EXOSC10: variants seen among roughly 807,000 people sequenced by gnomAD.
EXOSC10 encodes the protein exosome complex component 10.
In EXOSC10, 94 loss-of-function variants were observed where a neutral mutation model predicts 126.6. The observed-to-expected ratio is 0.74, with a 90% CI of 0.63 to 0.88. The LOEUF (loss-of-function observed/expected upper bound fraction) is 0.88. EXOSC10 is among the 40% of genes least tolerant of loss of function. EXOSC10 has a pLI of 0.00. For missense variants in EXOSC10, 1,041 were observed against 1,100.5 expected (o/e 0.95, Z 0.77); for synonymous variants, 395 against 400.8 (o/e 0.99, Z 0.17).
At chr1:11,090,963 T>C (rs1640769471) in intron 5 of EXOSC10, 51 bp downstream of exon 5, 2 of 1,583,304 alleles carry the variant, frequency 1.3e-6, no homozygotes, top group Non-Finnish European at 1.7e-6. Flanking sequence ...TTCCTGGTTT[T>C]TGCATCAAAT....
Position 11,079,719 on chromosome 1 carries a change from G to C in EXOSC10, c.1741C>G (p.Leu581Val). ...GCAGAAAAGCTTCTTACCTTGAGCA[G>C]GGGCATCTCTCGGGCCTGCTGGATT... ...LLIQQAREMP[L>V]LKSEVAAGVK... The change falls in exon 14 of 25, where the codon CTG becomes GTG. Residue 581 changes from leucine (L) to valine (V), a missense_variant. Physicochemically the swap from Leu to Val is conservative, Grantham distance 32 (BLOSUM62 1). Coordinates refer to ENST00000376936, the MANE Select transcript of EXOSC10 (RefSeq NM_001001998.3). 1 of 1,613,216 alleles carries C rather than the reference G, an allele frequency of 6.2e-7. No homozygotes were observed. Among genetic ancestry groups the C allele is most frequent in the Non-Finnish European group, 8.5e-7 (1 of 1,179,572 alleles).
rs1360541343 is a variant in EXOSC10, at chr1:11,081,163, C to A, written c.1356G>T (p.Arg452Ser). The change falls in exon 11 of 25, where the codon AGG becomes AGT. Residue 452 changes from arginine to serine, a missense_variant. Physicochemically the swap from Arg to Ser is moderately radical, Grantham distance 110 (BLOSUM62 -1). This residue lies in a region of EXOSC10 where 645 missense variants were observed against 656.3 expected (regional missense o/e 0.98). Coordinates refer to ENST00000376936, the MANE Select transcript of EXOSC10 (RefSeq NM_001001998.3). ...CGTTGCCGCGCTCCCACATCTCCAG[C>A]CTCATTTTGTCATAGATATATAGCA... ...HYLLYIYDKM[R>S]LEMWERGNGQ... 1 of 1,614,074 alleles carries A rather than the reference C, an allele frequency of 6.2e-7. No individual in the cohort carries two copies. The highest frequency in any genetic ancestry group is 8.5e-7 in the Non-Finnish European group (1 of 1,180,032).
rs1378857534 is a variant in EXOSC10 at position 11,082,718 on chromosome 1, T to C, written c.1250A>G (p.Lys417Arg). The change falls in exon 10 of 25, where the codon AAG (lysine) becomes AGG (arginine). Residue 417 changes from lysine to arginine, a missense_variant. By Grantham distance (26) the Lys-to-Arg change is conservative. Coordinates refer to ENST00000376936, the MANE Select transcript of EXOSC10 (RefSeq NM_001001998.3). Reference protein sequence around the residue: ...LKLYCNVDSNKQYQLADWRIR... With the variant: ...LKLYCNVDSNRQYQLADWRIR... ...TCTCCAATCAGCCAGCTGATATTGCTTGTTTGAGTCCACGTTGCAGTAGAG... is the reference window on the plus strand; with the variant it reads ...TCTCCAATCAGCCAGCTGATATTGCCTGTTTGAGTCCACGTTGCAGTAGAG... 1.2e-6 allele frequency: 2 copies of C among 1,614,226 alleles called. No homozygotes were observed. Among genetic ancestry groups the C allele is most frequent in the Non-Finnish European group, 1.7e-6 (2 of 1,180,042 alleles).
Position 11,072,278 on chromosome 1 carries a change from A to G in EXOSC10, c.2158-107T>C, listed in dbSNP as rs1570792373. The G allele has an allele frequency of 5.5e-6, 4 of 720,846 alleles. No individual in the cohort carries two copies. The East Asian group carries it at 1.0e-4, about 18-fold the overall frequency. 44.7% of individuals were successfully genotyped at this position (720,846 alleles called of 1,614,324 possible). A position where few individuals can be genotyped will look rare whatever the true frequency, so the allele number is the denominator to read the frequency against. On this transcript the variant is annotated intron_variant, in intron 19 of 24. Transcript: ENST00000376936. ...GGGCAGGTTAACCTAAGAAGTACAC[A>G]CATTCTAAGTCATAAATTTTCAAAT...
chr1:11,080,417 A>AT, intron 13 of EXOSC10, 82 bp downstream of exon 13: 1 of 1,551,542 alleles, frequency 6.4e-7, no homozygotes, highest in Middle Eastern at 1.7e-4. Context: ...GCCTTGGGTA[A>AT]TAGCAACCAG....
chr1:11,095,955 C>A (rs1257680518), intron 2 of EXOSC10, 74 bp from the exon 3 acceptor site: 6 of 1,467,750 alleles, frequency 4.1e-6, no homozygotes, highest in African/African-American at 1.4e-5. Context: ...AGAGAATGTT[C>A]AAATGATGTG....
At position 11,087,854 on chromosome 1, in the gene EXOSC10, G is replaced by C; in HGVS notation, c.891C>G (p.Leu297=). The C allele has an allele frequency of 6.2e-7, 1 of 1,613,868 alleles. No homozygotes were observed. Among genetic ancestry groups the C allele is most frequent in the South Asian group, 1.1e-5 (1 of 91,064 alleles). The stretch of plus-strand genomic sequence containing the variant: ...TCAAGAGCTTTTCGTTGAGTTCCAC[G>C]AGTTCATCCAGGGAGGATATGAAAT... The part of the protein sequence containing the change: ...PCHFISSLDE[L]VELNEKLLNC... The change falls in exon 8 of 25, where the codon CTC becomes CTG. Residue 297 remains leucine, a synonymous_variant. Transcript: ENST00000376936.
chr1:11,090,965 G>C, intron 5 of EXOSC10, 49 bp downstream of exon 5: 2 of 1,578,764 alleles, frequency 1.3e-6, no homozygotes, highest in Non-Finnish European at 1.7e-6. Flanking sequence ...CCTGGTTTTT[G>C]CATCAAATAA....
chr1:11,074,748 G>A (rs1185304397), intron 17 of EXOSC10, among the ~76,000 whole-genome samples: 1 of 152,042 alleles, frequency 6.6e-6, no homozygotes, highest in Non-Finnish European at 1.5e-5. Context: ...AATGGCTAAG[G>A]CTAATTTTTC....
chr1:11,072,258 G>C, intron 19 of EXOSC10, 87 bp from the exon 20 acceptor site: 1 of 915,016 alleles, frequency 1.1e-6, no homozygotes, highest in Non-Finnish European at 1.7e-6. Context: ...ACGAAGGGCA[G>C]GTTAACCTAA....
At position 11,080,563 on chromosome 1, in the gene EXOSC10, AACACACACACACACACACACAC is replaced by A. The variant is rs70977543; in HGVS notation, c.1587-36_1587-15del. On this transcript the variant is annotated splice_polypyrimidine_tract_variant and intron_variant, in intron 12 of 24. Coordinates refer to ENST00000376936, the MANE Select transcript of EXOSC10 (RefSeq NM_001001998.3). The stretch of plus-strand genomic sequence containing the variant: ...GGCAGTACATATCTGGAAAAAAAAA[AACACACACACACACACACACAC>A]ACACACACACACACACACACGGTGG... The A allele has an allele frequency of 3.0e-5, 43 of 1,423,610 alleles. No individual in the cohort carries two copies. The highest frequency in any genetic ancestry group is 6.2e-5 in the South Asian group (5 of 80,224). 88.2% of individuals were successfully genotyped at this position (1,423,610 alleles called of 1,614,324 possible). A position where few individuals can be genotyped will look rare whatever the true frequency, so the allele number is the denominator to read the frequency against.
chr1:11,076,619 C>A (rs1340329965), intron 17 of EXOSC10, among the ~76,000 whole-genome samples: 1 of 152,196 alleles, frequency 6.6e-6, no homozygotes, highest in East Asian at 1.9e-4. Context: ...TTTCTTCACA[C>A]AGAGCTCAAG....
Position 11,068,668 on chromosome 1 carries a change from T to C in EXOSC10, c.2527A>G (p.Asn843Asp). ...KSKVSSQFDP[N>D]KQTPSGKKCI... ...ACCTTGCCAGACGGGGTCTGTTTAT[T>C]TGGATCAAACTGAGAAGAAACTTTG... Residue 843 changes from asparagine (N) to aspartate (D), a missense_variant, in exon 23 of 25, where the codon AAT becomes GAT. This residue lies in a region of EXOSC10 where 388 missense variants were observed against 415.2 expected (regional missense o/e 0.93). Coordinates refer to ENST00000376936, the MANE Select transcript of EXOSC10 (RefSeq NM_001001998.3). The C allele has an allele frequency of 6.2e-7, 1 of 1,614,178 alleles. No individual in the cohort carries two copies. The highest frequency in any genetic ancestry group is 8.5e-7 in the Non-Finnish European group (1 of 1,180,012).
chr1:11,067,410 C>T (rs1172377218), intron 24 of EXOSC10, among the ~76,000 whole-genome samples: 31 of 143,072 alleles, frequency 2.2e-4, no homozygotes, highest in Non-Finnish European at 3.8e-4. Context: ...CCAGCCTGGG[C>T]GACAGACCGA....
rs762542262 is a variant in EXOSC10, at chr1:11,076,923, C to T, written c.1905G>A (p.Ala635=). The stretch of plus-strand genomic sequence containing the variant: ...CTTCTTTTTCATCAGGGAAGAGGCT[C>T]GCCTGCTTCTGAACTGGCACAGATC... ...TSGSVPVQKQ[A]SLFPDEKEDN... The change falls in exon 17 of 25, where the codon GCG becomes GCA. Residue 635 remains alanine, a synonymous_variant. Transcript: ENST00000376936. The T allele has an allele frequency of 4.3e-6, 7 of 1,613,860 alleles. No individual in the cohort carries two copies. Among genetic ancestry groups the T allele is most frequent in the South Asian group, 3.3e-5 (3 of 91,078 alleles).
In EXOSC10 at chr1:11,066,759, T is replaced by C; in HGVS notation, c.2628-11A>G. The C allele has an allele frequency of 6.2e-7, 1 of 1,613,996 alleles. No individual in the cohort carries two copies. The highest frequency in any genetic ancestry group is 8.5e-7 in the Non-Finnish European group (1 of 1,179,938). On this transcript the variant is annotated splice_polypyrimidine_tract_variant and intron_variant, in intron 24 of 24. Coordinates refer to ENST00000376936, the MANE Select transcript of EXOSC10 (RefSeq NM_001001998.3). ...TTGTACCTGAAGCCTCTGCAGAGAGTACAAAAACAACAGTTATTTCTTCCG... is the reference window on the plus strand; with the variant it reads ...TTGTACCTGAAGCCTCTGCAGAGAGCACAAAAACAACAGTTATTTCTTCCG...
At chr1:11,080,281 G>A (rs1239862904) in intron 13 of EXOSC10, among the ~76,000 whole-genome samples, 1 of 152,040 alleles carries the variant, frequency 6.6e-6, no homozygotes, top group Admixed American at 6.6e-5. Flanking sequence ...CTCAAACTAA[G>A]GCATAATCAT....
chr1:11,094,596 A>G (rs1314439430), intron 3 of EXOSC10, among the ~76,000 whole-genome samples: 1 of 144,062 alleles, frequency 6.9e-6, no homozygotes, highest in Admixed American at 7.0e-5. Context: ...CCACCATGCC[A>G]GGCCACCTTT....
At chr1:11,071,101 C>T (rs1306899896) in intron 20 of EXOSC10, 128 bp from the exon 21 acceptor site, 1 of 740,470 alleles carries the variant, frequency 1.4e-6, no homozygotes, top group Non-Finnish European at 2.2e-6. Flanking sequence ...CCTCTCAGGT[C>T]CCCGGTCCCC....
Sources: gnomAD v4.1 joint callset for allele counts (sites outside exome capture counted in the v4.1 genomes callset) on GRCh38, gnomAD v4.1.1 for gene constraint, gnomAD v4.1.1 regional missense constraint, MANE v1.5 for transcripts, NCBI Gene and HGNC (gene_info 2026-07-23, HGNC 2026-07-21) for gene names.